Variants in SPEGNB observed in about 807,000 individuals in gnomAD.
The protein encoded by SPEGNB is SPEG neighbor protein.
A neutral mutation model predicts 18.3 loss-of-function variants in SPEGNB; 12 were observed. The ratio of observed to expected loss-of-function variants is 0.65; its 90% CI spans 0.42 to 1.06. The LOEUF (loss-of-function observed/expected upper bound fraction) is 1.06. Ranked by LOEUF, SPEGNB falls within the 50% of genes least tolerant of loss-of-function variation. The probability of loss-of-function intolerance (pLI) is 0.00; values close to 1 mark genes in which losing one functional copy is unlikely to be tolerated. For synonymous variants in SPEGNB, 113 were observed against 138.8 expected (o/e 0.81, Z 1.31); for missense variants, 273 against 329.3 (o/e 0.83, Z 1.32).
At chr2:219,496,742 G>C (rs907650387) in intron 2 of SPEGNB, 67 bp from the exon 3 acceptor site, 23 of 1,173,096 alleles carry the variant, frequency 2.0e-5, no homozygotes, top group Admixed American at 1.4e-4. Flanking sequence ...GAGATGGTGC[G>C]CTCGCGGTAA....
chr2:219,496,686 A>G (rs1019804389), intron 2 of SPEGNB, 123 bp from the exon 3 acceptor site: 2 of 1,026,340 alleles, frequency 1.9e-6, no homozygotes, highest in South Asian at 3.4e-5. Context: ...CCTCTTCCCT[A>G]CCAAGCCACA....
Position 219,498,208 on chromosome 2 carries a change from C to A in SPEGNB, c.*19C>A. ...GGCCTGAACGGCACCCCCGGACCTT[C>A]CGCCCTGGCGCCGAGCCCGGGGGTG... On this transcript the variant is annotated 3_prime_UTR_variant, in exon 5 of 5. Transcript: ENST00000651166. 7.7e-7 allele frequency: 1 copy of A among 1,296,690 alleles called. No homozygotes were observed. Among genetic ancestry groups the A allele is most frequent in the Non-Finnish European group, 1.0e-6 (1 of 985,574 alleles). 80.3% of individuals were successfully genotyped at this position (1,296,690 alleles called of 1,614,324 possible). A position where few individuals can be genotyped will look rare whatever the true frequency, so the allele number is the denominator to read the frequency against.
Position 219,498,034 on chromosome 2 carries a change from C to T in SPEGNB, c.579-17C>T. 1.5e-6 allele frequency: 2 copies of T among 1,296,854 alleles called. No individual in the cohort carries two copies. Among genetic ancestry groups the T allele is most frequent in the East Asian group, 5.6e-5 (1 of 17,976 alleles). 80.3% of individuals were successfully genotyped at this position (1,296,854 alleles called of 1,614,324 possible). ...ACTGACCACGGCTCCGCCCTCCTCC[C>T]CGCCGCCCTTCCGCAGGGTGTTCTT... On this transcript the variant is annotated splice_polypyrimidine_tract_variant and intron_variant, in intron 4 of 4. Transcript: ENST00000651166.
rs759774073 is a variant in SPEGNB at position 219,498,036 on chromosome 2, G to T, written c.579-15G>T. On this transcript the variant is annotated splice_polypyrimidine_tract_variant and intron_variant, in intron 4 of 4. Coordinates refer to ENST00000651166, the MANE Select transcript of SPEGNB (RefSeq NM_001286811.2). The stretch of plus-strand genomic sequence containing the variant: ...TGACCACGGCTCCGCCCTCCTCCCC[G>T]CCGCCCTTCCGCAGGGTGTTCTTCG... 112 of 1,297,164 alleles carry T rather than the reference G, an allele frequency of 8.6e-5. No individual in the cohort carries two copies. In the South Asian group the frequency reaches 1.4e-3, roughly 16 times the overall value. The allele number at this position is 1,297,164 out of a possible 1,614,324, so 80.4% of individuals were successfully genotyped here. A position where few individuals can be genotyped will look rare whatever the true frequency, so the allele number is the denominator to read the frequency against.
chr2:219,497,233 C>T, intron 3 of SPEGNB, 117 bp downstream of exon 3: 1 of 825,084 alleles, frequency 1.2e-6, no homozygotes, highest in South Asian at 2.6e-5. Context: ...TCCCCGCCAG[C>T]CCAGCTCTGG....
Position 219,497,833 on chromosome 2 carries a change from G to A in SPEGNB, c.550G>A (p.Asp184Asn). The A allele has an allele frequency of 7.7e-7, 1 of 1,304,290 alleles. No individual in the cohort carries two copies. The highest frequency in any genetic ancestry group is 1.0e-6 in the Non-Finnish European group (1 of 988,948). 80.8% of individuals were successfully genotyped at this position (1,304,290 alleles called of 1,614,324 possible). A position where few individuals can be genotyped will look rare whatever the true frequency, so the allele number is the denominator to read the frequency against. ...EPAPDVGWTKDGEDIEEDDRV... is the reference protein window; with the variant it reads ...EPAPDVGWTKNGEDIEEDDRV... ...TGCGCCCGACGTAGGCTGGACCAAG[G>A]ACGGGGAGGACATCGAGGAGGATGA... The change falls in exon 4 of 5, where the codon GAC becomes AAC. Residue 184 changes from aspartate to asparagine, a missense_variant. By Grantham distance (23) the Asp-to-Asn change is conservative. Transcript: ENST00000651166.
rs1474891493 is a variant in SPEGNB at position 219,498,130 on chromosome 2, G to A, written c.658G>A (p.Val220Met). Residue 220 changes from valine to methionine, a missense_variant, in exon 5 of 5, where the codon GTG (valine) becomes ATG (methionine). Physicochemically the swap from Val to Met is conservative, Grantham distance 21. Transcript: ENST00000651166. ...ATPQDSGKYEVYVENSLGMDQ... is the reference protein window; with the variant it reads ...ATPQDSGKYEMYVENSLGMDQ... ...GCCTCAGGACAGCGGCAAGTACGAGGTGTACGTGGAGAACAGCCTGGGCAT... is the reference window on the plus strand; with the variant it reads ...GCCTCAGGACAGCGGCAAGTACGAGATGTACGTGGAGAACAGCCTGGGCAT... 1 of 1,304,350 alleles carries A rather than the reference G, an allele frequency of 7.7e-7. No individual in the cohort carries two copies. The highest frequency in any genetic ancestry group is 1.0e-6 in the Non-Finnish European group (1 of 988,972). 80.8% of individuals were successfully genotyped at this position (1,304,350 alleles called of 1,614,324 possible). A position where few individuals can be genotyped will look rare whatever the true frequency, so the allele number is the denominator to read the frequency against.
rs958108024 is a variant in SPEGNB at position 219,498,169 on chromosome 2, G to A, written c.697G>A (p.Ala233Thr). ...ENSLGMDQSF[A>T]RVDVA The stretch of plus-strand genomic sequence containing the variant: ...CAGCCTGGGCATGGACCAGAGCTTC[G>A]CTCGCGTCGACGTGGCCTGAACGGC... Residue 233 changes from alanine to threonine, a missense_variant, in exon 5 of 5, where the codon GCT becomes ACT. By Grantham distance (58) the Ala-to-Thr change is moderately conservative. Coordinates refer to ENST00000651166, the MANE Select transcript of SPEGNB (RefSeq NM_001286811.2). 7.7e-7 allele frequency: 1 copy of A among 1,304,044 alleles called. No homozygotes were observed. Among genetic ancestry groups the A allele is most frequent in the South Asian group, 1.2e-5 (1 of 81,012 alleles). 80.8% of individuals were successfully genotyped at this position (1,304,044 alleles called of 1,614,324 possible).
chr2:219,496,892 C>T lies in SPEGNB; in HGVS notation c.212C>T (p.Ala71Val), dbSNP rs1412444474. 1.5e-6 allele frequency: 2 copies of T among 1,296,144 alleles called. No homozygotes were observed. Among genetic ancestry groups the T allele is most frequent in the Admixed American group, 4.6e-5 (2 of 43,280 alleles). 80.3% of individuals were successfully genotyped at this position (1,296,144 alleles called of 1,614,324 possible). A position where few individuals can be genotyped will look rare whatever the true frequency, so the allele number is the denominator to read the frequency against. Residue 71 changes from alanine (A) to valine (V), a missense_variant, in exon 3 of 5, where the codon GCC becomes GTC. Physicochemically the swap from Ala to Val is moderately conservative, Grantham distance 64 (BLOSUM62 0). Transcript: ENST00000651166. ...KDVVLIEGSA[A>V]KLTCRISAFP... Reference sequence around the variant, plus strand: ...GTGGTGCTGATCGAAGGCAGCGCGGCCAAGCTCACTTGCCGCATTTCGGCT... The same window carrying T: ...GTGGTGCTGATCGAAGGCAGCGCGGTCAAGCTCACTTGCCGCATTTCGGCT...
intron 3 of SPEGNB, among the ~76,000 whole-genome samples, chr2:219,497,338 C>A (rs1694248229): frequency 6.6e-6 from 1 of 152,204 alleles, no homozygotes; most frequent in Admixed American, 6.5e-5. Context: ...CTGTGGACTT[C>A]CATCACGCGG....
At position 219,498,224 on chromosome 2, in the gene SPEGNB, C is replaced by G. The variant is rs1391170198; in HGVS notation, c.*35C>G. 1 of 1,290,428 alleles carries G rather than the reference C, an allele frequency of 7.7e-7. No individual in the cohort carries two copies. The highest frequency in any genetic ancestry group is 1.0e-6 in the Non-Finnish European group (1 of 982,128). 79.9% of individuals were successfully genotyped at this position (1,290,428 alleles called of 1,614,324 possible). A position where few individuals can be genotyped will look rare whatever the true frequency, so the allele number is the denominator to read the frequency against. On this transcript the variant is annotated 3_prime_UTR_variant, in exon 5 of 5. Coordinates refer to ENST00000651166, the MANE Select transcript of SPEGNB (RefSeq NM_001286811.2). ...CCGGACCTTCCGCCCTGGCGCCGAG[C>G]CCGGGGGTGGTGGGACCCACAGCCC... is the stretch of plus-strand genomic sequence containing the variant.
rs1694259829 is a variant in SPEGNB, at chr2:219,497,791, G to A, written c.508G>A (p.Glu170Lys). ...AGGCACCACCGTGACGCTGACTGCG[G>A]AGATCCTGGGAGAGCCTGCGCCCGA... Reference protein sequence around the residue: ...RKGTTVTLTAEILGEPAPDVG... With the variant: ...RKGTTVTLTAKILGEPAPDVG... The change falls in exon 4 of 5, where the codon GAG becomes AAG. Residue 170 changes from glutamate to lysine, a missense_variant. Coordinates refer to ENST00000651166, the MANE Select transcript of SPEGNB (RefSeq NM_001286811.2). 7.7e-7 allele frequency: 1 copy of A among 1,304,222 alleles called. No homozygotes were observed. The highest frequency in any genetic ancestry group is 2.3e-5 in the Admixed American group (1 of 43,556). The allele number at this position is 1,304,222 out of a possible 1,614,324, so 80.8% of individuals were successfully genotyped here.
rs549575516 is a variant in SPEGNB at position 219,497,640 on chromosome 2, C to T, written c.437-80C>T. 1.5e-3 allele frequency: 1,827 copies of T among 1,253,584 alleles called. 4 individuals are homozygous for T. Among genetic ancestry groups the T allele is most frequent in the Non-Finnish European group, 1.8e-3 (1,711 of 960,458 alleles). 77.7% of individuals were successfully genotyped at this position (1,253,584 alleles called of 1,614,324 possible). On this transcript the variant is annotated intron_variant, in intron 3 of 4. Transcript: ENST00000651166. ...AGTTTAAATGCATCTGTATTTAGTGCCGGGTATTAGCCGGTGAGGTGATGC... is the reference window on the plus strand; with the variant it reads ...AGTTTAAATGCATCTGTATTTAGTGTCGGGTATTAGCCGGTGAGGTGATGC...
rs1320798225 is a variant in SPEGNB at position 219,497,814 on chromosome 2, C to T, written c.531C>T (p.Pro177=). The T allele has an allele frequency of 7.7e-7, 1 of 1,304,286 alleles. No homozygotes were observed. Among genetic ancestry groups the T allele is most frequent in the Non-Finnish European group, 1.0e-6 (1 of 988,958 alleles). 80.8% of individuals were successfully genotyped at this position (1,304,286 alleles called of 1,614,324 possible). The part of the protein sequence containing the change: ...LTAEILGEPA[P]DVGWTKDGED... ...CGGAGATCCTGGGAGAGCCTGCGCC[C>T]GACGTAGGCTGGACCAAGGACGGGG... The change falls in exon 4 of 5, where the codon CCC becomes CCT. Residue 177 remains proline, a synonymous_variant. Transcript: ENST00000651166.
chr2:219,496,325 G>C (rs892909442), intron 1 of SPEGNB, 30 bp from the exon 2 acceptor site: 5 of 1,199,978 alleles, frequency 4.2e-6, no homozygotes, highest in Non-Finnish European at 5.4e-6. Context: ...GTCTCAACCT[G>C]GACCCCCATA....
rs997088180 is a variant in SPEGNB, at chr2:219,496,951, G to T, written c.271G>T (p.Gly91Cys). The T allele has an allele frequency of 7.7e-7, 1 of 1,303,462 alleles. No individual in the cohort carries two copies. Among genetic ancestry groups the T allele is most frequent in the Non-Finnish European group, 1.0e-6 (1 of 987,998 alleles). 80.7% of individuals were successfully genotyped at this position (1,303,462 alleles called of 1,614,324 possible). A position where few individuals can be genotyped will look rare whatever the true frequency, so the allele number is the denominator to read the frequency against. ...CCCATTCATCCGCTGGAGTAAGGAC[G>T]GCAAGGAGCTACGTGACGGTCCCAA... Reference protein sequence around the residue: ...PDPFIRWSKDGKELRDGPKYR... With the variant: ...PDPFIRWSKDCKELRDGPKYR... Residue 91 changes from glycine to cysteine, a missense_variant, in exon 3 of 5, where the codon GGC (glycine) becomes TGC (cysteine). Gly to Cys is a radical substitution (Grantham distance 159, BLOSUM62 -3). Transcript: ENST00000651166.
intron 3 of SPEGNB, 147 bp from the exon 4 acceptor site, chr2:219,497,573 T>A (rs1208797010): frequency 8.9e-6 from 9 of 1,015,054 alleles, no homozygotes; most frequent in Non-Finnish European, 1.2e-5. Flanking sequence ...GCCAAGGAGA[T>A]GAAACCAGAG....
At chr2:219,497,190 T>G in intron 3 of SPEGNB, 74 bp downstream of exon 3, 1 of 1,080,930 alleles carries the variant, frequency 9.3e-7, no homozygotes, top group Non-Finnish European at 1.2e-6. Context: ...CCGGTCCAGC[T>G]GCGCGTGTTT....
chr2:219,497,203 C>A, intron 3 of SPEGNB, 87 bp downstream of exon 3: 1 of 1,027,476 alleles, frequency 9.7e-7, no homozygotes, highest in Non-Finnish European at 1.2e-6. Context: ...GCGTGTTTAC[C>A]TCTGGGCCTA....
Sources: gnomAD v4.1 joint callset for allele counts (sites outside exome capture counted in the v4.1 genomes callset) on GRCh38, gnomAD v4.1.1 for gene constraint, MANE v1.5 for transcripts, NCBI Gene and HGNC (gene_info 2026-07-23, HGNC 2026-07-21) for gene names.